ANK3: variants seen among roughly 807,000 people sequenced by gnomAD.
The protein encoded by ANK3 is ankyrin-3.
ANK3 carries 57 observed loss-of-function variants against 370.9 expected under a neutral mutation model. The ratio of observed to expected loss-of-function variants is 0.15; its 90% confidence interval spans 0.12 to 0.19. The LOEUF is 0.19. ANK3 is among the 10% of genes least tolerant of loss of function. The pLI is 1.00. For missense variants in ANK3, 4,439 were observed against 5,302.1 expected, an observed-to-expected ratio of 0.84 and a Z score of 5.06; for synonymous variants, 1,929 against 1,946.3, an observed-to-expected ratio of 0.99 and a Z score of 0.23.
intron 2 of ANK3, among the ~76,000 whole-genome samples, chr10:60,467,370 T>C (rs2065034776): frequency 6.6e-6 from 1 of 152,202 alleles, no homozygotes; most frequent in Non-Finnish European, 1.5e-5. Flanking sequence ...AAGTTTCATT[T>C]CATTTTGATA....
At position 60,084,788 on chromosome 10, in the gene ANK3, C is replaced by A. The variant is rs1169969555; in HGVS notation, c.3888G>T (p.Gly1296=). The change falls in exon 32 of 44, where the codon GGG becomes GGT. Residue 1296 remains glycine (G), a synonymous_variant. Transcript: ENST00000280772. ...ATTCTCTGTACAGTTGCGTGGCTAA[C>A]CCCACAGTTTCTAAAACTTGATGGC... The part of the protein sequence containing the change: ...ADCHQVLETV[G]LATQLYRELI... 1.3e-6 allele frequency: 2 copies of A among 1,578,486 alleles called. No homozygotes were observed. The highest frequency in any genetic ancestry group is 1.4e-5 in the African/African-American group (1 of 73,496).
chr10:60,309,992 C>T (rs1262614363), intron 1 of ANK3, among the ~76,000 whole-genome samples: 1 of 145,620 alleles, frequency 6.9e-6, no homozygotes, highest in African/African-American at 2.5e-5. Flanking sequence ...GTTGTGTGAT[C>T]ATAGCTCACT....
chr10:60,423,755 G>C (rs1261710245), intron 2 of ANK3, among the ~76,000 whole-genome samples: 1 of 151,908 alleles, frequency 6.6e-6, no homozygotes, highest in Non-Finnish European at 1.5e-5. Context: ...GATGCTACCA[G>C]ACAGGCATGC....
chr10:60,435,373 ATAT>A (rs1412114321), intron 2 of ANK3, among the ~76,000 whole-genome samples: 1 of 152,180 alleles, frequency 6.6e-6, no homozygotes, highest in South Asian at 2.1e-4. Flanking sequence ...TTCTGTCTCC[ATAT>A]TATTTTCTCT....
intron 25 of ANK3, among the ~76,000 whole-genome samples, chr10:60,121,703 A>G (rs936537555): frequency 2.0e-5 from 3 of 152,024 alleles, no homozygotes; most frequent in African/African-American, 7.2e-5. Flanking sequence ...AAAAAAAAAA[A>G]AAAGTATAAG....
At chr10:60,305,988 AT>A (rs142632967) in intron 1 of ANK3, among the ~76,000 whole-genome samples, 57 of 151,324 alleles carry the variant, frequency 3.8e-4, no homozygotes, top group African/African-American at 8.7e-4. Context: ...GTAAAAATAC[AT>A]TTTTTTTTCA....
At chr10:60,607,070 G>A (rs552835090) in intron 2 of ANK3, among the ~76,000 whole-genome samples, 1 of 152,224 alleles carries the variant, frequency 6.6e-6, no homozygotes, top group East Asian at 1.9e-4. Context: ...AAGAAAAATA[G>A]TCTTTATGTA....
chr10:60,478,078 G>A (rs984459591), intron 2 of ANK3, among the ~76,000 whole-genome samples: 2 of 151,986 alleles, frequency 1.3e-5, no homozygotes, highest in South Asian at 2.1e-4. Flanking sequence ...AAACGGAAAC[G>A]GGGAGAATGA....
chr10:60,678,155 G>A (rs1281660864), intron 1 of ANK3, among the ~76,000 whole-genome samples: 1 of 152,174 alleles, frequency 6.6e-6, no homozygotes, highest in South Asian at 2.1e-4. Flanking sequence ...AGCTCTAAGA[G>A]TTAGCTTGAA....
chr10:60,096,569 G>A (rs2090174312), intron 28 of ANK3, among the ~76,000 whole-genome samples: 1 of 152,172 alleles, frequency 6.6e-6, no homozygotes, highest in Non-Finnish European at 1.5e-5. Context: ...TGACTAGGCA[G>A]ACCTGGAGTG....
chr10:60,185,689 G>T lies in ANK3; in HGVS notation c.2085+1026C>A, dbSNP rs116596461. Among the ~76,000 whole-genome samples the T allele has an allele frequency of 1.9e-3, 291 of 152,280 alleles. 3 individuals carry two copies. The highest frequency in any genetic ancestry group is 6.8e-3 in the African/African-American group (281 of 41,566). On this transcript the variant is annotated intron_variant, in intron 17 of 43. Coordinates refer to ENST00000280772, the MANE Select transcript of ANK3 (RefSeq NM_020987.5). ...AGAAGCTAAATGCCAGACAGGGGAG[G>T]TTATCAGAATCTGAGGGCCCTTTTG...
chr10:60,374,860 G>C (rs777045335), intron 1 of ANK3, among the ~76,000 whole-genome samples: 1 of 152,052 alleles, frequency 6.6e-6, no homozygotes, highest in African/African-American at 2.4e-5. Context: ...AAAATTTAAA[G>C]AAATATATTT....
intron 1 of ANK3, among the ~76,000 whole-genome samples, chr10:60,707,160 CT>C (rs2079632436): frequency 6.6e-6 from 1 of 152,082 alleles, no homozygotes; most frequent in African/African-American, 2.4e-5. Flanking sequence ...TCAAAAATCA[CT>C]GAATAATTTG....
chr10:60,647,412 A>T (rs1423530010), intron 1 of ANK3, among the ~76,000 whole-genome samples: 2 of 152,164 alleles, frequency 1.3e-5, no homozygotes, highest in Admixed American at 1.3e-4. Context: ...GCTGCCATCT[A>T]CTGGCTATTG....
At chr10:60,112,078 C>T (rs1366847426) in intron 26 of ANK3, among the ~76,000 whole-genome samples, 1 of 152,212 alleles carries the variant, frequency 6.6e-6, no homozygotes, top group Non-Finnish European at 1.5e-5. Context: ...TCTTCAATAA[C>T]ATTCAAGGTG....
At chr10:60,250,242 A>G (rs1477938412) in intron 7 of ANK3, among the ~76,000 whole-genome samples, 2 of 152,382 alleles carry the variant, frequency 1.3e-5, no homozygotes, top group African/African-American at 4.8e-5. Context: ...TTAAAAACAC[A>G]GATTGCAAGT....
At chr10:60,186,099 A>G (rs966787719) in intron 17 of ANK3, among the ~76,000 whole-genome samples, 1 of 152,222 alleles carries the variant, frequency 6.6e-6, no homozygotes, top group Non-Finnish European at 1.5e-5. Flanking sequence ...AAAACGGATG[A>G]GCAAGGAGCA....
intron 7 of ANK3, among the ~76,000 whole-genome samples, chr10:60,237,720 T>C (rs2097355976): frequency 6.6e-6 from 1 of 152,192 alleles, no homozygotes; most frequent in African/African-American, 2.4e-5. Context: ...CTTGAGTTTC[T>C]AATTCTCACA....
chr10:60,236,740 T>C (rs1188740854), intron 7 of ANK3, among the ~76,000 whole-genome samples: 1 of 152,228 alleles, frequency 6.6e-6, no homozygotes, highest in Non-Finnish European at 1.5e-5. Flanking sequence ...GAAAGAGACC[T>C]GAGGAAAACA....
Sources: allele counts gnomAD v4.1 joint callset (sites outside exome capture counted in the v4.1 genomes callset), GRCh38; gene constraint gnomAD v4.1.1; transcripts MANE v1.5; gene names NCBI Gene and HGNC (gene_info 2026-07-23, HGNC 2026-07-21).